IPO5: variants seen among roughly 807,000 people sequenced by gnomAD.
IPO5 encodes the protein importin 5.
IPO5 carries 18 observed loss-of-function variants against 143.3 expected under a neutral mutation model. That is an observed-to-expected ratio of 0.13 (90% CI 0.09 to 0.19). The LOEUF is 0.19. Among genes scored for constraint, IPO5 ranks in the 10% least tolerant of loss-of-function variants. IPO5 has a pLI of 1.00. For synonymous variants in IPO5, 477 were observed against 465.7 expected (o/e 1.02, Z -0.31); for missense variants, 1,013 against 1,336.9 (o/e 0.76, Z 3.78).
intron 3 of IPO5, among the ~76,000 whole-genome samples, chr13:97,973,341 C>A (rs989230333): frequency 2.0e-5 from 3 of 152,068 alleles, no homozygotes; most frequent in Non-Finnish European, 4.4e-5. Flanking sequence ...TGCACCCAGC[C>A]CCTGAGTTAT....
In IPO5 at chr13:98,019,640, G is replaced by A; in HGVS notation, c.2896G>A (p.Val966Ile). The change falls in exon 27 of 29, where the codon GTC (valine) becomes ATC (isoleucine). Residue 966 changes from valine to isoleucine, a missense_variant. Coordinates refer to ENST00000651721, the MANE Select transcript of IPO5 (RefSeq NM_002271.6). ...QSADSKTKEN[V>I]NATENCISAV... is the part of the protein sequence containing the mutation. ...TGCGGATTCTAAGACCAAAGAAAAT[G>A]TCAATGCTACAGAGAACTGCATCTC... is the stretch of plus-strand genomic sequence containing the variant. The A allele has an allele frequency of 1.2e-6, 2 of 1,614,156 alleles. No homozygotes were observed. Among genetic ancestry groups the A allele is most frequent in the Non-Finnish European group, 1.7e-6 (2 of 1,179,990 alleles).
intron 2 of IPO5, among the ~76,000 whole-genome samples, chr13:97,965,722 C>T (rs975758411): frequency 6.6e-6 from 1 of 151,246 alleles, no homozygotes; most frequent in Non-Finnish European, 1.5e-5. Context: ...TCTCCTGCAA[C>T]CTTGCTGAAC....
intron 2 of IPO5, among the ~76,000 whole-genome samples, chr13:97,964,443 C>CTTTTTT (rs369952371): frequency 6.5e-5 from 7 of 108,210 alleles, no homozygotes; most frequent in Admixed American, 1.0e-4. Context: ...CCATTTCTTT[C>CTTTTTT]TTTTTTTTTT....
chr13:97,984,288 T>C (rs1349578497), intron 5 of IPO5, among the ~76,000 whole-genome samples: 3 of 152,176 alleles, frequency 2.0e-5, no homozygotes, highest in Non-Finnish European at 2.9e-5. Flanking sequence ...TAGGGTAACT[T>C]CTATCACTAA....
chr13:97,983,962 CTTCTTTTTT>C lies in IPO5; in HGVS notation c.171+1382_171+1390del, dbSNP rs1231576709. 2.4e-3 allele frequency among the ~76,000 whole-genome samples: 181 copies of C among 74,664 alleles called. 2 individuals carry two copies. The highest frequency in any genetic ancestry group is 7.9e-3 in the African/African-American group (177 of 22,472). 49.0% of individuals were successfully genotyped at this position (74,664 alleles called of 152,430 possible). On this transcript the variant is annotated intron_variant, in intron 5 of 28. Transcript: ENST00000651721. ...ATATGAAGAACCCTATATAGGGTAA[CTTCTTTTTT>C]TTTTTTTTTTTTTTTTTTTTTTTTT...
intron 3 of IPO5, 23 bp from the exon 4 acceptor site, chr13:97,976,669 TC>T: frequency 1.7e-6 from 2 of 1,174,346 alleles, no homozygotes; most frequent in Non-Finnish European, 2.2e-6. Context: ...CTGTCTCCCC[TC>T]CCTCCTTCTC....
intron 5 of IPO5, among the ~76,000 whole-genome samples, chr13:97,982,981 C>T (rs1408855209): frequency 2.0e-5 from 3 of 152,228 alleles, no homozygotes; most frequent in Admixed American, 6.5e-5. Context: ...AGCAGTTCTC[C>T]TGCCTCAGCT....
chr13:98,013,838 C>G (rs1889902025), intron 21 of IPO5, among the ~76,000 whole-genome samples: 2 of 152,076 alleles, frequency 1.3e-5, no homozygotes, highest in Admixed American at 6.5e-5. Flanking sequence ...TTCACTGCTG[C>G]TGGACTCATT....
chr13:97,978,461 A>G (rs1886572031), intron 4 of IPO5, among the ~76,000 whole-genome samples: 1 of 152,116 alleles, frequency 6.6e-6, no homozygotes, highest in South Asian at 2.1e-4. Context: ...ATGTATACCT[A>G]TCTTTGCATA....
chr13:98,003,169 A>C, intron 16 of IPO5, 132 bp downstream of exon 16: 1 of 727,252 alleles, frequency 1.4e-6, no homozygotes, highest in Non-Finnish European at 2.3e-6. Flanking sequence ...TGAGGAGGCT[A>C]TTCGGAGTTG....
At chr13:98,008,657 C>T (rs571902016) in intron 18 of IPO5, among the ~76,000 whole-genome samples, 1 of 152,156 alleles carries the variant, frequency 6.6e-6, no homozygotes, top group Non-Finnish European at 1.5e-5. Flanking sequence ...TGCCTCTCGA[C>T]ACACACGCAC....
At chr13:97,986,596 C>T (rs878897776) in intron 6 of IPO5, among the ~76,000 whole-genome samples, 1 of 152,070 alleles carries the variant, frequency 6.6e-6, no homozygotes, top group African/African-American at 2.4e-5. Context: ...GTGATCTGCC[C>T]ATCTCGGCCT....
intron 4 of IPO5, 42 bp downstream of exon 4, chr13:97,976,828 G>T: frequency 1.1e-6 from 1 of 926,946 alleles, no homozygotes; most frequent in Non-Finnish European, 1.5e-6. Context: ...CCTGGCCGGC[G>T]CGCCGACCCT....
chr13:97,993,427 C>G (rs1006838961), intron 11 of IPO5, among the ~76,000 whole-genome samples: 1 of 152,162 alleles, frequency 6.6e-6, no homozygotes, highest in African/African-American at 2.4e-5. Flanking sequence ...TTGCAGACAC[C>G]CTGAAATCTG....
At chr13:98,021,423 T>C (rs1168200776) in intron 28 of IPO5, 2 of 353,740 alleles carry the variant, frequency 5.7e-6, no homozygotes, top group Non-Finnish European at 1.0e-5. Context: ...AAAAACAAGA[T>C]TTAATAATAA....
chr13:98,015,823 A>G, intron 24 of IPO5, 42 bp downstream of exon 24: 2 of 1,313,594 alleles, frequency 1.5e-6, no homozygotes, highest in Non-Finnish European at 2.1e-6. Context: ...GACCACTTGC[A>G]TCTGAAAGAC....
rs1594074650 is a variant in IPO5 at position 97,988,923 on chromosome 13, G to A, written c.365-139G>A. ...TTTTATGGCTAAAGGACAGAATTTT[G>A]TGGAGTTTTTAAAAATAGCAAAAGT... On this transcript the variant is annotated intron_variant, in intron 6 of 28. Coordinates refer to ENST00000651721, the MANE Select transcript of IPO5 (RefSeq NM_002271.6). The A allele has an allele frequency of 4.1e-5, 17 of 414,302 alleles. No individual in the cohort carries two copies. In the South Asian group the frequency reaches 5.1e-4, roughly 13 times the overall value. The allele number at this position is 414,302 out of a possible 1,614,324, so 25.7% of individuals were successfully genotyped here.
At chr13:98,008,793 G>A (rs1473213770) in intron 18 of IPO5, among the ~76,000 whole-genome samples, 2 of 152,156 alleles carry the variant, frequency 1.3e-5, no homozygotes, top group Non-Finnish European at 2.9e-5. Context: ...CATCATAAAT[G>A]TTTGTCATAT....
At chr13:98,007,928 A>G (rs559671038) in intron 17 of IPO5, 131 bp from the exon 18 acceptor site, 1 of 596,036 alleles carries the variant, frequency 1.7e-6, no homozygotes, top group African/African-American at 1.9e-5. Flanking sequence ...AGAATTTTTC[A>G]ATATGATAGT....
Sources: gnomAD v4.1 joint callset for allele counts (sites outside exome capture counted in the v4.1 genomes callset) on GRCh38, gnomAD v4.1.1 for gene constraint, MANE v1.5 for transcripts, NCBI Gene and HGNC (gene_info 2026-07-23, HGNC 2026-07-21) for gene names.